RBFOX1: variants seen among roughly 807,000 people sequenced by gnomAD.
RBFOX1 encodes the protein RNA binding fox-1 homolog 1, also known as RNA binding protein fox-1 homolog 1.
Under a neutral mutation model 57.7 loss-of-function variants are expected in RBFOX1, and 8 were observed. That is an observed-to-expected ratio of 0.14 (90% CI 0.08 to 0.25). The LOEUF is 0.25. Ranked by LOEUF, RBFOX1 falls within the 10% of genes least tolerant of loss-of-function variation. RBFOX1 has a pLI of 1.00. For missense variants in RBFOX1, 611 were observed against 548.5 expected (o/e 1.11, Z -1.14); for synonymous variants, 326 against 222.4 (o/e 1.47, Z -4.15).
intron 3 of RBFOX1, among the ~76,000 whole-genome samples, chr16:6,655,589 T>A (rs1223103086): frequency 6.6e-6 from 1 of 152,068 alleles, no homozygotes; most frequent in African/African-American, 2.4e-5. Context: ...GACAATTGTT[T>A]GTTAATATTT....
In RBFOX1 at chr16:5,983,307, G is replaced by A. The variant is rs377294341; in HGVS notation, c.351+115972G>A. 1.4e-3 allele frequency among the ~76,000 whole-genome samples: 214 copies of A among 152,310 alleles called. 1 individual carries two copies. The highest frequency in any genetic ancestry group is 5.0e-3 in the African/African-American group (206 of 41,550). ...ACTTGAGTCGTTTTAAAAGCTTAGT[G>A]GGTGGGGAGGAGAAAATATTCCCTG... is the stretch of plus-strand genomic sequence containing the variant. On this transcript the variant is annotated intron_variant, in intron 4 of 19. Transcript: ENST00000641259.
intron 4 of RBFOX1, among the ~76,000 whole-genome samples, chr16:7,417,046 T>C (rs941934306): frequency 5.3e-5 from 8 of 152,088 alleles, no homozygotes; most frequent in African/African-American, 1.9e-4. Context: ...ATGATTGAGT[T>C]CATTGTTCAT....
At chr16:5,353,704 T>G in intron 1 of RBFOX1, among the ~76,000 whole-genome samples, 1 of 140,106 alleles carries the variant, frequency 7.1e-6, no homozygotes. Flanking sequence ...AAACCTAGGC[T>G]GAAAACTAAT....
intron 4 of RBFOX1, among the ~76,000 whole-genome samples, chr16:7,462,571 A>C (rs959614628): frequency 6.6e-6 from 1 of 152,208 alleles, no homozygotes; most frequent in Non-Finnish European, 1.5e-5. Context: ...CTTCGGCATG[A>C]CTCAACTGGG....
At chr16:7,438,508 C>A (rs533063031) in intron 4 of RBFOX1, among the ~76,000 whole-genome samples, 2 of 152,174 alleles carry the variant, frequency 1.3e-5, no homozygotes, top group Non-Finnish European at 2.9e-5. Context: ...GGAACATCCA[C>A]GGACTCCAGC....
At chr16:6,358,575 T>A (rs967614347) in intron 2 of RBFOX1, among the ~76,000 whole-genome samples, 1 of 152,234 alleles carries the variant, frequency 6.6e-6, no homozygotes, top group Non-Finnish European at 1.5e-5. Context: ...GAGCAATTAC[T>A]ATGAGCCAGA....
rs114412469 is a variant in RBFOX1, at chr16:6,414,793, T to C, written c.-64+97736T>C. 3.7e-3 allele frequency among the ~76,000 whole-genome samples: 566 copies of C among 152,318 alleles called. 4 individuals carry two copies. Among genetic ancestry groups the C allele is most frequent in the African/African-American group, 0.013 (530 of 41,556 alleles). On this transcript the variant is annotated intron_variant, in intron 2 of 15. Transcript: ENST00000550418. ...TTTACTTTTAGTGGACATTTGGCAA[T>C]GTCTGTCTTGAGACAATTTTCATTG...
intron 1 of RBFOX1, among the ~76,000 whole-genome samples, chr16:5,330,650 C>T (rs2064726696): frequency 6.6e-6 from 1 of 151,844 alleles, no homozygotes; most frequent in South Asian, 2.1e-4. Context: ...GGTGATCTGC[C>T]TGCATCTGCC....
intron 3 of RBFOX1, among the ~76,000 whole-genome samples, chr16:6,867,404 T>C (rs920664638): frequency 2.6e-5 from 4 of 151,766 alleles, no homozygotes; most frequent in Admixed American, 2.6e-4. Flanking sequence ...TTTGTTCATC[T>C]GAGAAACTAA....
At chr16:6,324,760 A>G (rs2082186331) in intron 2 of RBFOX1, among the ~76,000 whole-genome samples, 1 of 152,280 alleles carries the variant, frequency 6.6e-6, no homozygotes, top group Middle Eastern at 3.4e-3. Flanking sequence ...CTAGGGCCCC[A>G]TCTAACTTCG....
intron 1 of RBFOX1, among the ~76,000 whole-genome samples, chr16:5,271,410 G>A (rs1157435037): frequency 2.6e-5 from 4 of 152,146 alleles, no homozygotes; most frequent in Admixed American, 2.6e-4. Flanking sequence ...CTCTACCTCC[G>A]GTGATTCCGA....
chr16:7,474,273 C>T (rs187373078), intron 4 of RBFOX1, among the ~76,000 whole-genome samples: 4 of 152,054 alleles, frequency 2.6e-5, no homozygotes, highest in Non-Finnish European at 4.4e-5. Context: ...GGTGACAGGG[C>T]GAGACTCCAT....
chr16:5,252,771 C>A (rs1033158077), intron 1 of RBFOX1, among the ~76,000 whole-genome samples: 1 of 152,226 alleles, frequency 6.6e-6, no homozygotes, highest in Non-Finnish European at 1.5e-5. Flanking sequence ...CAGATGGCTG[C>A]AAAGCTTTCC....
chr16:6,776,959 G>A (rs2079479167), intron 3 of RBFOX1, among the ~76,000 whole-genome samples: 1 of 152,170 alleles, frequency 6.6e-6, no homozygotes, highest in Admixed American at 6.5e-5. Context: ...TATCTGAGAG[G>A]TTGAAATTTA....
intron 3 of RBFOX1, among the ~76,000 whole-genome samples, chr16:6,892,775 C>CCTCTCTCTCTCTCTCTCT (rs750285832): frequency 3.1e-4 from 26 of 84,704 alleles, no homozygotes; most frequent in African/African-American, 8.2e-4. Flanking sequence ...TCCCTGTCTC[C>CCTCTCTCTCTCTCTCTCT]CTCTCTCTCT....
chr16:5,257,111 A>C (rs1032539270), intron 1 of RBFOX1, among the ~76,000 whole-genome samples: 3 of 152,250 alleles, frequency 2.0e-5, no homozygotes, highest in African/African-American at 7.2e-5. Context: ...TGGGGGAGCC[A>C]CTTTGGGTTC....
intron 1 of RBFOX1, among the ~76,000 whole-genome samples, chr16:6,105,178 A>G (rs933274122): frequency 6.6e-6 from 1 of 152,236 alleles, no homozygotes; most frequent in Admixed American, 6.5e-5. Context: ...CTCAAAGCCC[A>G]TGTGGGACCA....
intron 3 of RBFOX1, among the ~76,000 whole-genome samples, chr16:6,736,772 G>T (rs1039216907): frequency 6.6e-6 from 1 of 152,198 alleles, no homozygotes; most frequent in Non-Finnish European, 1.5e-5. Flanking sequence ...GTTGTGATTT[G>T]TAGCAGGTGG....
Position 5,880,211 on chromosome 16 carries a change from G to A in RBFOX1, c.351+12876G>A, listed in dbSNP as rs2057728089. Among the ~76,000 whole-genome samples the A allele has an allele frequency of 2.0e-5, 3 of 152,172 alleles. 1 individual carries two copies. The highest frequency in any genetic ancestry group is 7.2e-5 in the African/African-American group (3 of 41,430). On this transcript the variant is annotated intron_variant, in intron 4 of 19. Coordinates refer to the RBFOX1 transcript ENST00000641259. ...CCAAACAAGAGGAAATGGAGGCTCA[G>A]AGGGCTCAAACTATTTGTCAATGGT...
Sources: allele counts gnomAD v4.1 joint callset (sites outside exome capture counted in the v4.1 genomes callset), GRCh38; gene constraint gnomAD v4.1.1; transcripts MANE v1.5; gene names NCBI Gene and HGNC (gene_info 2026-07-23, HGNC 2026-07-21).